NCAM2: variants seen among roughly 807,000 people sequenced by gnomAD.
The protein encoded by NCAM2 is neural cell adhesion molecule 2.
In NCAM2, 30 loss-of-function variants were observed where a neutral mutation model predicts 98.1. That is an observed-to-expected ratio of 0.31 (90% CI 0.23 to 0.41). The LOEUF is 0.41. NCAM2 is among the 10% of genes least tolerant of loss of function. The pLI is 1.00. For missense variants in NCAM2, 867 were observed against 1,005.8 expected, an observed-to-expected ratio of 0.86 and a Z score of 1.87; for synonymous variants, 368 against 342.4, an observed-to-expected ratio of 1.07 and a Z score of -0.83.
At chr21:21,304,104 ATGT>A (rs2073809720) in intron 5 of NCAM2, among the ~76,000 whole-genome samples, 2 of 152,020 alleles carry the variant, frequency 1.3e-5, no homozygotes, top group Non-Finnish European at 2.9e-5. Flanking sequence ...TGGGTGAAAG[ATGT>A]TGATGAGGTT....
intron 1 of NCAM2, among the ~76,000 whole-genome samples, chr21:21,009,785 G>T (rs142382943): frequency 6.6e-6 from 1 of 151,330 alleles, no homozygotes; most frequent in African/African-American, 2.4e-5. Flanking sequence ...GAAAATACTT[G>T]TTTTATCTTA....
intron 8 of NCAM2, among the ~76,000 whole-genome samples, chr21:21,352,796 T>TA (rs1418595379): frequency 3.7e-5 from 5 of 135,754 alleles, no homozygotes; most frequent in African/African-American, 1.4e-4. Context: ...CCCTAAAACT[T>TA]AAAGTATAAA....
chr21:21,059,792 G>A (rs774168772), intron 1 of NCAM2, among the ~76,000 whole-genome samples: 1 of 151,986 alleles, frequency 6.6e-6, no homozygotes, highest in Admixed American at 6.6e-5. Context: ...GGGTGTTGGG[G>A]TGCCAATAGT....
At chr21:21,311,089 G>A (rs1490508415) in intron 5 of NCAM2, among the ~76,000 whole-genome samples, 1 of 152,112 alleles carries the variant, frequency 6.6e-6, no homozygotes, top group Non-Finnish European at 1.5e-5. Flanking sequence ...TCCATTGAAA[G>A]TTTCACAACA....
intron 5 of NCAM2, among the ~76,000 whole-genome samples, chr21:21,311,487 C>T (rs1029511820): frequency 6.6e-6 from 1 of 151,908 alleles, no homozygotes; most frequent in Non-Finnish European, 1.5e-5. Flanking sequence ...ACTACAGGCA[C>T]CCGCCACCAC....
chr21:21,501,442 A>G (rs903899685), intron 15 of NCAM2, among the ~76,000 whole-genome samples: 2 of 151,996 alleles, frequency 1.3e-5, no homozygotes, highest in Non-Finnish European at 2.9e-5. Flanking sequence ...ATGAAATTAT[A>G]TAAGGGAATT....
At chr21:21,119,531 T>C (rs928011386) in intron 1 of NCAM2, among the ~76,000 whole-genome samples, 1 of 149,762 alleles carries the variant, frequency 6.7e-6, no homozygotes, top group African/African-American at 2.5e-5. Flanking sequence ...TTGTTATTGC[T>C]AGAATCACTC....
intron 9 of NCAM2, among the ~76,000 whole-genome samples, chr21:21,390,561 C>T (rs990191236): frequency 9.9e-5 from 15 of 152,108 alleles, no homozygotes; most frequent in South Asian, 2.1e-4. Flanking sequence ...ATTTACATCA[C>T]CTTAACATAA....
intron 1 of NCAM2, among the ~76,000 whole-genome samples, chr21:21,123,517 T>C (rs2146576452): frequency 6.6e-6 from 1 of 152,234 alleles, no homozygotes; most frequent in South Asian, 2.1e-4. Flanking sequence ...CTCAGTCTAA[T>C]CCCACCCCCG....
At chr21:21,121,758 C>G (rs2066679272) in intron 1 of NCAM2, among the ~76,000 whole-genome samples, 2 of 152,218 alleles carry the variant, frequency 1.3e-5, no homozygotes, top group Non-Finnish European at 1.5e-5. Flanking sequence ...ATAGGCTGAG[C>G]CTTCAGGAAT....
At chr21:21,030,790 A>C (rs769634311) in intron 1 of NCAM2, among the ~76,000 whole-genome samples, 14 of 152,364 alleles carry the variant, frequency 9.2e-5, no homozygotes, top group Admixed American at 5.9e-4. Flanking sequence ...AGTCAGATAA[A>C]TAGTAATACC....
At chr21:21,035,928 A>T (rs1318705840) in intron 1 of NCAM2, among the ~76,000 whole-genome samples, 5 of 152,172 alleles carry the variant, frequency 3.3e-5, no homozygotes, top group African/African-American at 1.2e-4. Flanking sequence ...AACATATCAG[A>T]TTTGGAGCAC....
At chr21:21,124,098 CG>C (rs2066737247) in intron 1 of NCAM2, among the ~76,000 whole-genome samples, 1 of 151,594 alleles carries the variant, frequency 6.6e-6, no homozygotes, top group South Asian at 2.1e-4. Context: ...CGGCCCACCT[CG>C]GCGTCCCATA....
chr21:21,276,726 A>G (rs1303226313), intron 1 of NCAM2, among the ~76,000 whole-genome samples: 1 of 152,078 alleles, frequency 6.6e-6, no homozygotes, highest in Non-Finnish European at 1.5e-5. Flanking sequence ...ATATATGTAT[A>G]GTTCAATTAG....
chr21:21,493,737 G>A (rs2146314548), intron 15 of NCAM2, among the ~76,000 whole-genome samples: 1 of 151,922 alleles, frequency 6.6e-6, no homozygotes, highest in Admixed American at 6.6e-5. Flanking sequence ...ACTAGTTCCT[G>A]GCAATCACTG....
At position 21,444,341 on chromosome 21, in the gene NCAM2, G is replaced by C. The variant is rs370343534; in HGVS notation, c.1654+12060G>C. 4.5e-4 allele frequency among the ~76,000 whole-genome samples: 68 copies of C among 152,280 alleles called. 1 individual carries two copies. The East Asian group carries it at 0.011, about 25-fold the overall frequency. ...AGGTTTTGGTATCAGGATGATGCTG[G>C]CTTAATAAAGTGAGTTAGGGGGAGT... On this transcript the variant is annotated intron_variant, in intron 12 of 17. Transcript: ENST00000400546.
chr21:21,352,314 G>T (rs947426574), intron 8 of NCAM2, among the ~76,000 whole-genome samples: 2 of 151,988 alleles, frequency 1.3e-5, no homozygotes, highest in Admixed American at 1.3e-4. Flanking sequence ...TAAAGACAGG[G>T]TTTTGTCATG....
At chr21:21,035,739 A>G (rs554299609) in intron 1 of NCAM2, among the ~76,000 whole-genome samples, 3 of 152,296 alleles carry the variant, frequency 2.0e-5, no homozygotes, top group South Asian at 4.1e-4. Flanking sequence ...AGAGTATTTG[A>G]TAAGAGTGTT....
intron 7 of NCAM2, among the ~76,000 whole-genome samples, chr21:21,337,539 A>G (rs113606825): frequency 6.6e-6 from 1 of 152,176 alleles, no homozygotes; most frequent in African/African-American, 2.4e-5. Flanking sequence ...GTATTAAAAT[A>G]TATAAAAAGT....
Sources: allele counts gnomAD v4.1 joint callset (sites outside exome capture counted in the v4.1 genomes callset), GRCh38; gene constraint gnomAD v4.1.1; transcripts MANE v1.5; gene names NCBI Gene and HGNC (gene_info 2026-07-23, HGNC 2026-07-21).